The following NALCN variants were observed in gnomAD, a reference collection of about 807,000 sequenced individuals.
NALCN encodes the protein sodium leak channel NALCN.
A neutral mutation model predicts 225.3 loss-of-function variants in NALCN; 111 were observed. The ratio of observed to expected loss-of-function variants is 0.49; its 90% CI spans 0.42 to 0.58. NALCN has a LOEUF of 0.58. Ranked by LOEUF, NALCN falls within the 20% of genes least tolerant of loss-of-function variation. The pLI is 0.00. For missense variants in NALCN, 1,378 were observed against 2,202.4 expected (o/e 0.63, Z 7.49); for synonymous variants, 764 against 769.0 (o/e 0.99, Z 0.11).
Position 101,104,990 on chromosome 13 carries a change from A to G in NALCN, c.2580-40T>C. ...ATATATAAAATTCTGCAACAAAGCAAGCATGTTTTAACTTGCTAAAAATCA... is the reference window on the plus strand; with the variant it reads ...ATATATAAAATTCTGCAACAAAGCAGGCATGTTTTAACTTGCTAAAAATCA... On this transcript the variant is annotated intron_variant, in intron 22 of 43. Transcript: ENST00000251127. The surrounding 1 kb of genome is among the most constrained non-coding windows in gnomAD (Gnocchi z 4.2). 6.3e-7 allele frequency: 1 copy of G among 1,576,040 alleles called. No homozygotes were observed. The highest frequency in any genetic ancestry group is 1.1e-5 in the South Asian group (1 of 89,704).
At chr13:101,416,034 C>A (rs927904511) in intron 1 of NALCN, among the ~76,000 whole-genome samples, 1 of 152,072 alleles carries the variant, frequency 6.6e-6, no homozygotes, top group Non-Finnish European at 1.5e-5. Flanking sequence ...GACACCCACG[C>A]GCAGGAATAG....
chr13:101,397,480 AAT>A (rs1232206560), intron 2 of NALCN, among the ~76,000 whole-genome samples: 10 of 151,186 alleles, frequency 6.6e-5, no homozygotes, highest in African/African-American at 2.4e-5. Flanking sequence ...ACATACATAT[AAT>A]ATATATGTAT....
At chr13:101,201,230 T>C (rs1225902857) in intron 13 of NALCN, among the ~76,000 whole-genome samples, 1 of 152,204 alleles carries the variant, frequency 6.6e-6, no homozygotes, top group African/African-American at 2.4e-5. Context: ...AAGTGTACGA[T>C]TAAGTGGGTT....
chr13:101,369,022 A>C (rs2046461799), intron 6 of NALCN: 1 of 359,996 alleles, frequency 2.8e-6, no homozygotes, highest in South Asian at 2.2e-5. Context: ...ACAACAACAA[A>C]AAAGATATTA....
chr13:101,059,803 G>A lies in NALCN; in HGVS notation c.4905+15C>T, dbSNP rs78026529. 859 of 1,612,786 alleles carry A rather than the reference G, an allele frequency of 5.3e-4. 4 individuals carry two copies. The African/African-American group carries it at 9.7e-3, about 18-fold the overall frequency. Reference sequence around the variant, plus strand: ...CACAGAGTGTCCTGGGACAGAGGACGCCTCGTGCCCATACCTCAGGTTGCA... The same window carrying A: ...CACAGAGTGTCCTGGGACAGAGGACACCTCGTGCCCATACCTCAGGTTGCA... On this transcript the variant is annotated intron_variant, in intron 42 of 43. Coordinates refer to ENST00000251127, the MANE Select transcript of NALCN (RefSeq NM_052867.4).
chr13:101,247,604 T>C (rs1208357726), intron 11 of NALCN, among the ~76,000 whole-genome samples: 2 of 152,190 alleles, frequency 1.3e-5, no homozygotes, highest in Admixed American at 6.5e-5. Flanking sequence ...CAAACTTTTT[T>C]TTCACCATCA....
At chr13:101,372,735 T>C (rs1403595893) in intron 6 of NALCN, among the ~76,000 whole-genome samples, 4 of 152,130 alleles carry the variant, frequency 2.6e-5, no homozygotes, top group Non-Finnish European at 5.9e-5. Flanking sequence ...TTTTAAATTA[T>C]TGTATTAGAA....
In NALCN at chr13:101,237,638, A is replaced by ATAGT. The variant is rs2041610297; in HGVS notation, c.1434+113_1434+116dup. The ATAGT allele has an allele frequency of 6.7e-6, 3 of 449,482 alleles. No individual in the cohort carries two copies. In the South Asian group the frequency reaches 3.2e-4, roughly 48 times the overall value. The allele number at this position is 449,482 out of a possible 1,614,324, so 27.8% of individuals were successfully genotyped here. A position where few individuals can be genotyped will look rare whatever the true frequency, so the allele number is the denominator to read the frequency against. ...CTTTCTCAAGTTCATATTTACCATA[A>ATAGT]TAGTTATTATATATAAATATTATAT... On this transcript the variant is annotated intron_variant, in intron 12 of 43. Transcript: ENST00000251127.
chr13:101,144,361 G>T (rs1487974494), intron 16 of NALCN, among the ~76,000 whole-genome samples: 2 of 152,160 alleles, frequency 1.3e-5, no homozygotes, highest in African/African-American at 2.4e-5. Context: ...TTCCCTGTTT[G>T]CTTGAAAATA....
At chr13:101,182,153 A>AG (rs1270368569) in intron 14 of NALCN, among the ~76,000 whole-genome samples, 1 of 151,508 alleles carries the variant, frequency 6.6e-6, no homozygotes, top group Non-Finnish European at 1.5e-5. Flanking sequence ...AAAAAAAAAA[A>AG]AAAAGATATG....
At chr13:101,395,756 T>C (rs1373008222) in intron 2 of NALCN, among the ~76,000 whole-genome samples, 1 of 152,182 alleles carries the variant, frequency 6.6e-6, no homozygotes, top group South Asian at 2.1e-4. Context: ...TTTAGTCACA[T>C]AGGAACTTGA....
intron 13 of NALCN, among the ~76,000 whole-genome samples, chr13:101,216,454 A>G (rs971227662): frequency 2.0e-5 from 3 of 152,100 alleles, no homozygotes; most frequent in Admixed American, 1.3e-4. Context: ...CAGGGACTTC[A>G]GGTCTATTGC....
chr13:101,098,167 C>T (rs556098224), intron 27 of NALCN, among the ~76,000 whole-genome samples: 1 of 152,126 alleles, frequency 6.6e-6, no homozygotes, highest in South Asian at 2.1e-4. Context: ...TCAAATCCCA[C>T]CTCCTCCCTG....
At chr13:101,068,128 T>C (rs2032572280) in intron 38 of NALCN, 95 bp from the exon 39 acceptor site, 3 of 786,738 alleles carry the variant, frequency 3.8e-6, no homozygotes, top group East Asian at 5.5e-5. Context: ...ATGGATTCTA[T>C]CACCTATATC....
intron 14 of NALCN, among the ~76,000 whole-genome samples, chr13:101,181,982 A>C (rs1424995677): frequency 1.3e-5 from 2 of 151,914 alleles, no homozygotes; most frequent in African/African-American, 2.4e-5. Flanking sequence ...AAGTACAAAA[A>C]AATTAGCCGG....
At chr13:101,084,462 C>A (rs527367180) in intron 30 of NALCN, among the ~76,000 whole-genome samples, 1 of 152,254 alleles carries the variant, frequency 6.6e-6, no homozygotes, top group African/African-American at 2.4e-5. Context: ...TCTCCCTTTC[C>A]TTACCCAGAG....
chr13:101,101,926 G>A (rs1287002783), intron 26 of NALCN, among the ~76,000 whole-genome samples: 1 of 152,168 alleles, frequency 6.6e-6, no homozygotes, highest in Non-Finnish European at 1.5e-5. Flanking sequence ...ATATACATTA[G>A]CAGTCAGGTG....
rs772170189 is a variant in NALCN, at chr13:101,104,525, G to A, written c.2757+5C>T. 1.7e-5 allele frequency: 28 copies of A among 1,613,784 alleles called. No individual in the cohort carries two copies. The highest frequency in any genetic ancestry group is 1.6e-4 in the Middle Eastern group (1 of 6,076). On this transcript the variant is annotated splice_donor_5th_base_variant and intron_variant, in intron 24 of 43. Coordinates refer to ENST00000251127, the MANE Select transcript of NALCN (RefSeq NM_052867.4). This position sits in a 1 kb window ranked among gnomAD's most constrained non-coding sequence, Gnocchi z 4.2. ...AAGCTGAGATTTTGCAGCGGTAAGC[G>A]GTACCTGCAAAGTAGGTGCATGCAT...
intron 17 of NALCN, among the ~76,000 whole-genome samples, chr13:101,135,530 C>G (rs979459565): frequency 3.9e-5 from 6 of 152,186 alleles, no homozygotes; most frequent in Non-Finnish European, 8.8e-5. Flanking sequence ...TCCCGAGTAG[C>G]TGGGACTATA....
Sources: gnomAD v4.1 joint callset for allele counts (sites outside exome capture counted in the v4.1 genomes callset) on GRCh38, gnomAD v4.1.1 for gene constraint, Gnocchi (gnomAD v3.1) non-coding constraint, MANE v1.5 for transcripts, NCBI Gene and HGNC (gene_info 2026-07-23, HGNC 2026-07-21) for gene names.